Variants in PRSS3 observed in about 807,000 individuals in gnomAD.
PRSS3 encodes the protein trypsin-3.
In PRSS3, 14 loss-of-function variants were observed where a neutral mutation model predicts 20.8. The ratio of observed to expected loss-of-function variants is 0.67; its 90% CI spans 0.44 to 1.05. The LOEUF (loss-of-function observed/expected upper bound fraction) is 1.05. PRSS3 is among the 50% of genes least tolerant of loss of function. The pLI is 0.00. For missense variants in PRSS3, 237 were observed against 306.4 expected (o/e 0.77, Z 1.69); for synonymous variants, 91 against 117.6 (o/e 0.77, Z 1.46).
chr9:33,777,039 TCAAA>T (rs1167027364), intron 1 of PRSS3, among the ~76,000 whole-genome samples: 3 of 152,026 alleles, frequency 2.0e-5, no homozygotes, highest in Non-Finnish European at 4.4e-5. Context: ...GACAAAATCT[TCAAA>T]CAGCCAGAGA....
chr9:33,764,318 G>A (rs1823327255), intron 1 of PRSS3, among the ~76,000 whole-genome samples: 1 of 152,204 alleles, frequency 6.6e-6, no homozygotes, highest in Non-Finnish European at 1.5e-5. Context: ...TGAATCACCT[G>A]AGGTTAGCAG....
intron 1 of PRSS3, among the ~76,000 whole-genome samples, chr9:33,776,960 T>G (rs1044502855): frequency 6.6e-6 from 1 of 152,070 alleles, no homozygotes; most frequent in African/African-American, 2.4e-5. Context: ...AAAAAGAATT[T>G]CAGAAAAATA....
intron 1 of PRSS3, chr9:33,786,571 T>C: frequency 2.6e-6 from 2 of 766,348 alleles, no homozygotes; most frequent in Non-Finnish European, 4.8e-6. Context: ...CAAGCAGGGA[T>C]ATCTGTCAAC....
chr9:33,794,216 C>T (rs1385531267), upstream of PRSS3, among the ~76,000 whole-genome samples: 2 of 150,202 alleles, frequency 1.3e-5, no homozygotes, highest in Non-Finnish European at 1.5e-5. Context: ...TTTTGTTCAC[C>T]ATCTCCAGAA....
intron 4 of PRSS3, 60 bp from the exon 5 acceptor site, chr9:33,798,968 A>G: frequency 7.0e-6 from 11 of 1,582,188 alleles, no homozygotes; most frequent in Non-Finnish European, 9.6e-6. Flanking sequence ...TTCACAGTAA[A>G]TGTAGCTATA....
chr9:33,788,355 C>CT (rs966786547), intron 1 of PRSS3, among the ~76,000 whole-genome samples: 22 of 152,116 alleles, frequency 1.4e-4, no homozygotes, highest in African/African-American at 5.1e-4. Flanking sequence ...TAATGGATGC[C>CT]TTATAATGGC....
chr9:33,775,520 A>G (rs1287133824), intron 1 of PRSS3, among the ~76,000 whole-genome samples: 1 of 152,184 alleles, frequency 6.6e-6, no homozygotes, highest in Non-Finnish European at 1.5e-5. Context: ...TGAGAATCAG[A>G]GAAGTATTGA....
intron 1 of PRSS3, among the ~76,000 whole-genome samples, chr9:33,781,233 A>T (rs1824171011): frequency 6.6e-6 from 1 of 152,242 alleles, no homozygotes; most frequent in African/African-American, 2.4e-5. Context: ...AAATGCACTC[A>T]TATGTTCATC....
chr9:33,758,019 C>T (rs565750697), intron 1 of PRSS3, among the ~76,000 whole-genome samples: 12 of 152,200 alleles, frequency 7.9e-5, no homozygotes, highest in Non-Finnish European at 1.6e-4. Context: ...AACCACCCTG[C>T]ATCGAGTCCC....
upstream of PRSS3, among the ~76,000 whole-genome samples, chr9:33,792,811 A>G (rs1206474305): frequency 6.6e-6 from 1 of 152,254 alleles, no homozygotes; most frequent in Non-Finnish European, 1.5e-5. Context: ...TAGTAAGCAC[A>G]CAGAATTGAT....
chr9:33,793,561 A>G (rs1824739255), upstream of PRSS3: 1 of 506,634 alleles, frequency 2.0e-6, no homozygotes. Context: ...GATGAATTCA[A>G]TCATCTATTT....
At chr9:33,761,456 C>T (rs1238956240) in intron 1 of PRSS3, among the ~76,000 whole-genome samples, 1 of 152,144 alleles carries the variant, frequency 6.6e-6, no homozygotes, top group African/African-American at 2.4e-5. Flanking sequence ...CCTGTAATCC[C>T]AGCACTTTGG....
intron 1 of PRSS3, among the ~76,000 whole-genome samples, chr9:33,768,428 T>C (rs1823541027): frequency 6.7e-6 from 1 of 148,488 alleles, no homozygotes; most frequent in African/African-American, 2.5e-5. Context: ...TGCAGTGAGC[T>C]GAGATAGCAC....
chr9:33,784,671 T>A (rs1205471971), intron 1 of PRSS3, among the ~76,000 whole-genome samples: 1 of 152,218 alleles, frequency 6.6e-6, no homozygotes, highest in Non-Finnish European at 1.5e-5. Context: ...TAGAACATCG[T>A]ATAATAGAGA....
chr9:33,798,134 A>C lies in PRSS3; in HGVS notation c.454+52A>C, dbSNP rs757948742. The C allele has an allele frequency of 4.3e-6, 7 of 1,612,872 alleles. No homozygotes were observed. The Admixed American group carries it at 1.2e-4, about 27-fold the overall frequency. On this transcript the variant is annotated intron_variant, in intron 3 of 4. Transcript: ENST00000379405. ...TTCCCCCCATCCTCACAATTTCCAGAACGAAGCATGCCCCTTTATTTGAAT... is the reference window on the plus strand; with the variant it reads ...TTCCCCCCATCCTCACAATTTCCAGCACGAAGCATGCCCCTTTATTTGAAT...
At chr9:33,779,573 A>C (rs1485555807) in intron 1 of PRSS3, among the ~76,000 whole-genome samples, 4 of 152,212 alleles carry the variant, frequency 2.6e-5, no homozygotes, top group Non-Finnish European at 5.9e-5. Context: ...AGAATTTAAA[A>C]AATGAACAAA....
At chr9:33,764,074 A>C (rs913647417) in intron 1 of PRSS3, among the ~76,000 whole-genome samples, 1 of 152,192 alleles carries the variant, frequency 6.6e-6, no homozygotes, top group African/African-American at 2.4e-5. Flanking sequence ...TCCTTCTGTA[A>C]AGAGTTGATG....
At chr9:33,757,738 T>C (rs1286992321) in intron 1 of PRSS3, among the ~76,000 whole-genome samples, 1 of 152,204 alleles carries the variant, frequency 6.6e-6, no homozygotes, top group Non-Finnish European at 1.5e-5. Context: ...AGGCACTTGA[T>C]AAATGTTAGT....
chr9:33,794,722 C>G, upstream of PRSS3: 1 of 1,534,156 alleles, frequency 6.5e-7, no homozygotes, highest in Non-Finnish European at 8.8e-7. Flanking sequence ...GCAGGTGAGT[C>G]AGTTTGCATC....
Sources: allele counts gnomAD v4.1 joint callset (sites outside exome capture counted in the v4.1 genomes callset), GRCh38; gene constraint gnomAD v4.1.1; transcripts MANE v1.5; gene names NCBI Gene and HGNC (gene_info 2026-07-23, HGNC 2026-07-21).